FREM2: variants seen among roughly 807,000 people sequenced by gnomAD.
The protein encoded by FREM2 is FRAS1 related extracellular matrix 2, also known as FRAS1-related extracellular matrix protein 2.
A neutral mutation model predicts 219.9 loss-of-function variants in FREM2; 119 were observed. The observed-to-expected ratio is 0.54, with a 90% CI of 0.47 to 0.63. The LOEUF is 0.63. Among genes scored for constraint, FREM2 ranks in the 30% least tolerant of loss-of-function variants. The pLI, the probability that FREM2 is intolerant of heterozygous loss-of-function variation, is 0.00. For missense variants in FREM2, 4,030 were observed against 3,993.6 expected (o/e 1.01, Z -0.25); for synonymous variants, 1,562 against 1,522.8 (o/e 1.03, Z -0.60).
chr13:38,715,303 G>A (rs946222792), intron 2 of FREM2, among the ~76,000 whole-genome samples: 3 of 152,088 alleles, frequency 2.0e-5, no homozygotes, highest in African/African-American at 4.8e-5. Flanking sequence ...AAATAGTGAC[G>A]TACCAAAAGA....
chr13:38,846,796 C>G, intron 7 of FREM2, 74 bp downstream of exon 7: 1 of 1,494,430 alleles, frequency 6.7e-7, no homozygotes, highest in Non-Finnish European at 9.3e-7. Context: ...TTATTTAAAG[C>G]TGAAATACTT....
At chr13:38,701,917 A>G (rs918555274) in intron 2 of FREM2, among the ~76,000 whole-genome samples, 3 of 152,170 alleles carry the variant, frequency 2.0e-5, no homozygotes, top group African/African-American at 7.2e-5. Flanking sequence ...AAAAGGTATC[A>G]TTAATCTTTG....
intron 16 of FREM2, among the ~76,000 whole-genome samples, chr13:38,867,956 C>T (rs995533409): frequency 1.3e-5 from 2 of 152,214 alleles, no homozygotes; most frequent in African/African-American, 4.8e-5. Flanking sequence ...CTCATGGACA[C>T]ACCCAGAAAT....
chr13:38,782,683 G>A (rs546035363), intron 4 of FREM2, among the ~76,000 whole-genome samples: 2 of 152,350 alleles, frequency 1.3e-5, no homozygotes, highest in South Asian at 4.1e-4. Flanking sequence ...CATCTGCAAA[G>A]TGGGAGATGG....
intron 6 of FREM2, among the ~76,000 whole-genome samples, chr13:38,830,999 G>C (rs139198281): frequency 6.6e-6 from 1 of 152,242 alleles, no homozygotes; most frequent in African/African-American, 2.4e-5. Context: ...CCAGGAATGT[G>C]TGTTTTAAAA....
Position 38,772,999 on chromosome 13 carries a change from G to C in FREM2, c.5641+3191G>C, listed in dbSNP as rs561711955. On this transcript the variant is annotated intron_variant, in intron 4 of 23. Coordinates refer to ENST00000280481, the MANE Select transcript of FREM2 (RefSeq NM_207361.6). ...GGGGTGAGCCACCGTGCCCAGCCCA[G>C]AACTTTTTAACACACACACAGACAC... Among the ~76,000 whole-genome samples, 12 of 152,072 alleles carry C rather than the reference G, an allele frequency of 7.9e-5. No homozygotes were observed. The East Asian group carries it at 1.9e-3, about 24-fold the overall frequency.
intron 2 of FREM2, among the ~76,000 whole-genome samples, chr13:38,715,537 C>T (rs964670013): frequency 2.0e-5 from 3 of 152,134 alleles, no homozygotes; most frequent in African/African-American, 7.2e-5. Flanking sequence ...TGATTCGTTT[C>T]CAGATCCCAA....
At chr13:38,879,573 G>A (rs1566176905) in intron 23 of FREM2, among the ~76,000 whole-genome samples, 1 of 152,150 alleles carries the variant, frequency 6.6e-6, no homozygotes, top group Non-Finnish European at 1.5e-5. Flanking sequence ...AAGCAAGTGC[G>A]GCTTTTAGGA....
chr13:38,702,963 A>G (rs1294036443), intron 2 of FREM2, among the ~76,000 whole-genome samples: 1 of 152,122 alleles, frequency 6.6e-6, no homozygotes, highest in Non-Finnish European at 1.5e-5. Flanking sequence ...TTCATATGCT[A>G]TTGAAGGATA....
At chr13:38,847,818 C>G (rs1877220352) in intron 7 of FREM2, among the ~76,000 whole-genome samples, 1 of 152,134 alleles carries the variant, frequency 6.6e-6, no homozygotes, top group Admixed American at 6.6e-5. Flanking sequence ...GATTAAAAGA[C>G]AGTTTTGTTT....
intron 2 of FREM2, among the ~76,000 whole-genome samples, chr13:38,735,614 A>G (rs1871959693): frequency 6.6e-6 from 1 of 152,188 alleles, no homozygotes; most frequent in Non-Finnish European, 1.5e-5. Flanking sequence ...ATACTCAGGA[A>G]CTACTTAAAA....
At chr13:38,732,297 CAG>C (rs879318838) in intron 2 of FREM2, among the ~76,000 whole-genome samples, 1 of 152,178 alleles carries the variant, frequency 6.6e-6, no homozygotes, top group Non-Finnish European at 1.5e-5. Flanking sequence ...GGTTTCATGT[CAG>C]AGTTTGCCAA....
chr13:38,837,914 A>C (rs1174217949), intron 6 of FREM2, among the ~76,000 whole-genome samples: 1 of 151,850 alleles, frequency 6.6e-6, no homozygotes, highest in Non-Finnish European at 1.5e-5. Flanking sequence ...TCTTTATCCA[A>C]TTTGCCAGTC....
intron 2 of FREM2, among the ~76,000 whole-genome samples, chr13:38,707,432 C>T (rs554410564): frequency 3.3e-5 from 5 of 152,216 alleles, no homozygotes; most frequent in African/African-American, 4.8e-5. Context: ...AAATAGCAGC[C>T]TTCATGGTAG....
intron 4 of FREM2, among the ~76,000 whole-genome samples, chr13:38,775,510 A>C (rs983708774): frequency 1.3e-5 from 2 of 152,174 alleles, no homozygotes; most frequent in Non-Finnish European, 2.9e-5. Context: ...GTGGATAAGC[A>C]AAAAAGGTGC....
At chr13:38,697,293 C>G (rs1015946491) in intron 1 of FREM2, among the ~76,000 whole-genome samples, 1 of 152,168 alleles carries the variant, frequency 6.6e-6, no homozygotes. Context: ...CTCTGCGGGC[C>G]AGTTCCCTAC....
intron 6 of FREM2, among the ~76,000 whole-genome samples, chr13:38,818,599 T>C (rs1481716089): frequency 1.3e-5 from 2 of 152,112 alleles, no homozygotes; most frequent in Non-Finnish European, 2.9e-5. Context: ...TACAATTACA[T>C]AGAAGGAATA....
Position 38,864,427 on chromosome 13 carries a change from A to T in FREM2, c.7804A>T (p.Asn2602Tyr), listed in dbSNP as rs769678393. ...TGGTTTCTTGACTGATGCTACCAAA[A>T]ATCCAGAAATAATTGGAGAGACATA... Reference protein sequence around the residue: ...HYGFLTDATKNPEIIGETYPY... With the variant: ...HYGFLTDATKYPEIIGETYPY... The change falls in exon 16 of 24, where the codon AAT (asparagine) becomes TAT (tyrosine). Residue 2602 changes from asparagine (N) to tyrosine (Y), a missense_variant. Transcript: ENST00000280481. 3.7e-6 allele frequency: 6 copies of T among 1,614,052 alleles called. No homozygotes were observed. In the African/African-American group the frequency reaches 8.0e-5, roughly 22 times the overall value.
chr13:38,745,575 C>G (rs1053947580), intron 2 of FREM2, among the ~76,000 whole-genome samples: 1 of 152,186 alleles, frequency 6.6e-6, no homozygotes, highest in African/African-American at 2.4e-5. Flanking sequence ...CCTCCTTTCT[C>G]CCCCTCTGTT....
Sources: allele counts gnomAD v4.1 joint callset (sites outside exome capture counted in the v4.1 genomes callset), GRCh38; gene constraint gnomAD v4.1.1; transcripts MANE v1.5; gene names NCBI Gene and HGNC (gene_info 2026-07-23, HGNC 2026-07-21).